Variants in JAKMIP1 observed in about 807,000 individuals in gnomAD.
JAKMIP1 encodes janus kinase and microtubule-interacting protein 1.
A neutral mutation model predicts 113.0 loss-of-function variants in JAKMIP1; 33 were observed. The ratio of observed to expected loss-of-function variants is 0.29; its 90% CI spans 0.22 to 0.39. JAKMIP1 has a LOEUF of 0.39. Among genes scored for constraint, JAKMIP1 ranks in the 10% least tolerant of loss-of-function variants. The pLI is 1.00. For synonymous variants in JAKMIP1, 480 were observed against 459.9 expected (o/e 1.04, Z -0.56); for missense variants, 813 against 1,080.5 (o/e 0.75, Z 3.47).
chr4:6,042,614 C>G lies in JAKMIP1; in HGVS notation c.2029-387G>C, dbSNP rs1714474399. Among the ~76,000 whole-genome samples, 2 of 151,974 alleles carry G rather than the reference C, an allele frequency of 1.3e-5. No individual in the cohort carries two copies. Among genetic ancestry groups the G allele is most frequent in the East Asian group, 2.0e-4 (1 of 5,126 alleles). On this transcript the variant is annotated intron_variant, in intron 16 of 20. Transcript: ENST00000409021. This position sits in a 1 kb window ranked among gnomAD's most constrained non-coding sequence, Gnocchi z 5.2. ...TCATCTGACTCTCTTACGACCACCCCAAGCAGTAGGCAGCGTCACCCCTAT... is the reference window on the plus strand; with the variant it reads ...TCATCTGACTCTCTTACGACCACCCGAAGCAGTAGGCAGCGTCACCCCTAT...
rs868277804 is a variant in JAKMIP1, at chr4:6,168,738, C to A, written c.-148+31515G>T. The stretch of plus-strand genomic sequence containing the variant: ...AATCCATGTCTCTACAAAAAAAAAA[C>A]AAAACACAAAAATTAGCCAGGCCTG... On this transcript the variant is annotated intron_variant, in intron 1 of 20. Transcript: ENST00000409021. This position sits in a 1 kb window ranked among gnomAD's most constrained non-coding sequence, Gnocchi z 4.6. Among the ~76,000 whole-genome samples, 2 of 150,008 alleles carry A rather than the reference C, an allele frequency of 1.3e-5. No homozygotes were observed. The highest frequency in any genetic ancestry group is 6.6e-5 in the Admixed American group (1 of 15,090).
chr4:6,031,280 A>G lies in JAKMIP1; in HGVS notation c.2380-1499T>C, dbSNP rs1712614190. Among the ~76,000 whole-genome samples the G allele has an allele frequency of 1.3e-5, 2 of 152,066 alleles. No individual in the cohort carries two copies. Among genetic ancestry groups the G allele is most frequent in the African/African-American group, 4.8e-5 (2 of 41,388 alleles). On this transcript the variant is annotated intron_variant, in intron 19 of 20. Coordinates refer to ENST00000409021, the MANE Select transcript of JAKMIP1 (RefSeq NM_001099433.2). The surrounding 1 kb of genome is among the most constrained non-coding windows in gnomAD (Gnocchi z 4.4). The stretch of plus-strand genomic sequence containing the variant: ...AAATGTCTCTACTAAAAATACAAAA[A>G]TGAGCCGGGCTTGGTGGTGCGCTCC...
At chr4:6,027,577 G>C (rs942365626) in intron 20 of JAKMIP1, among the ~76,000 whole-genome samples, 7 of 152,188 alleles carry the variant, frequency 4.6e-5, no homozygotes, top group African/African-American at 7.2e-5. Context: ...GTGGCATGAG[G>C]CATCTTGGAA....
chr4:6,040,769 A>G lies in JAKMIP1; in HGVS notation c.2098-53T>C, dbSNP rs945129581. The stretch of plus-strand genomic sequence containing the variant: ...ACCAGCGTCAGAACAGGAATCCATG[A>G]CAGCTTCAGAGCCCGTTTGCTAGAG... On this transcript the variant is annotated intron_variant, in intron 17 of 20. Coordinates refer to ENST00000409021, the MANE Select transcript of JAKMIP1 (RefSeq NM_001099433.2). The surrounding 1 kb of genome is among the most constrained non-coding windows in gnomAD (Gnocchi z 5.8). 6.3e-6 allele frequency: 9 copies of G among 1,420,838 alleles called. No homozygotes were observed. The African/African-American group carries it at 1.1e-4, about 18-fold the overall frequency. 88.0% of individuals were successfully genotyped at this position (1,420,838 alleles called of 1,614,324 possible).
chr4:6,029,648 A>C (rs895963539), intron 20 of JAKMIP1, 68 bp downstream of exon 20: 1 of 1,043,744 alleles, frequency 9.6e-7, no homozygotes, highest in Non-Finnish European at 1.5e-6. Context: ...ACCTTATGAA[A>C]TAAAATGATT....
rs1367188434 is a variant in JAKMIP1 at position 6,143,286 on chromosome 4, C to T, written c.-147-30289G>A. On this transcript the variant is annotated intron_variant, in intron 1 of 20. Transcript: ENST00000409021. This position sits in a 1 kb window ranked among gnomAD's most constrained non-coding sequence, Gnocchi z 4.9. ...GGATACATTCTAAAAGCTTTATGAA[C>T]AGACTTGGGGGCTTCCTGACTTCCT... Among the ~76,000 whole-genome samples the T allele has an allele frequency of 6.6e-6, 1 of 152,204 alleles. No individual in the cohort carries two copies. Among genetic ancestry groups the T allele is most frequent in the Non-Finnish European group, 1.5e-5 (1 of 68,036 alleles).
Position 6,042,013 on chromosome 4 carries a change from A to G in JAKMIP1, c.2097+146T>C, listed in dbSNP as rs1714380843. On this transcript the variant is annotated intron_variant, in intron 17 of 20. Coordinates refer to ENST00000409021, the MANE Select transcript of JAKMIP1 (RefSeq NM_001099433.2). This position sits in a 1 kb window ranked among gnomAD's most constrained non-coding sequence, Gnocchi z 5.2. ...TGAAAGAGTAAGTAAATGGGTGACA[A>G]TTACTTAGAACAACCACTGGGGCAA... is the stretch of plus-strand genomic sequence containing the variant. 2 of 643,730 alleles carry G rather than the reference A, an allele frequency of 3.1e-6. No homozygotes were observed. Among genetic ancestry groups the G allele is most frequent in the East Asian group, 2.7e-5 (1 of 37,066 alleles). The allele number at this position is 643,730 out of a possible 1,614,324, so 39.9% of individuals were successfully genotyped here.
At chr4:6,077,152 T>C (rs1316921014) in intron 8 of JAKMIP1, among the ~76,000 whole-genome samples, 1 of 152,204 alleles carries the variant, frequency 6.6e-6, no homozygotes, top group African/African-American at 2.4e-5. Context: ...TACCTCAGAA[T>C]GTGACTTATT....
rs1256082454 is a variant in JAKMIP1, at chr4:6,088,221, T to TAATA, written c.625-2596_625-2593dup. ...TAGTGGGCGGAGCAGGCAATAAACA[T>TAATA]AATAAATAAGCAGACATTGTAGTGA... On this transcript the variant is annotated intron_variant, in intron 3 of 20. Transcript: ENST00000409021. This position sits in a 1 kb window ranked among gnomAD's most constrained non-coding sequence, Gnocchi z 5.5. 2.6e-5 allele frequency among the ~76,000 whole-genome samples: 4 copies of TAATA among 152,148 alleles called. No homozygotes were observed. The East Asian group carries it at 7.7e-4, about 29-fold the overall frequency.
chr4:6,151,812 C>G (rs1721602373), intron 1 of JAKMIP1, among the ~76,000 whole-genome samples: 1 of 152,114 alleles, frequency 6.6e-6, no homozygotes, highest in Non-Finnish European at 1.5e-5. Flanking sequence ...TGTTTCTTTA[C>G]CTGTAAAATG....
intron 16 of JAKMIP1, among the ~76,000 whole-genome samples, chr4:6,043,756 C>G (rs547322710): frequency 6.6e-6 from 1 of 151,386 alleles, no homozygotes; most frequent in South Asian, 2.1e-4. Context: ...TCCTTTCTGC[C>G]CCCCCAGCCA....
chr4:6,114,232 A>G (rs747742276), intron 1 of JAKMIP1, among the ~76,000 whole-genome samples: 9 of 152,202 alleles, frequency 5.9e-5, no homozygotes, highest in Non-Finnish European at 8.8e-5. Context: ...GATGAGACAA[A>G]ATTGGCAAGG....
At position 6,183,563 on chromosome 4, in the gene JAKMIP1, T is replaced by C. The variant is rs1362229208; in HGVS notation, c.-148+16690A>G. On this transcript the variant is annotated intron_variant, in intron 1 of 20. Coordinates refer to ENST00000409021, the MANE Select transcript of JAKMIP1 (RefSeq NM_001099433.2). The surrounding 1 kb of genome is among the most constrained non-coding windows in gnomAD (Gnocchi z 5.3). ...ACTTCAGTACTCAGGGTGCTGGGAC[T>C]TGGTTTTCAAACCACCTTCCATGGA... is the stretch of plus-strand genomic sequence containing the variant. Among the ~76,000 whole-genome samples the C allele has an allele frequency of 1.3e-5, 2 of 152,010 alleles. No homozygotes were observed. The highest frequency in any genetic ancestry group is 3.9e-4 in the East Asian group (2 of 5,188).
Position 6,158,564 on chromosome 4 carries a change from C to A in JAKMIP1, c.-148+41689G>T, listed in dbSNP as rs1354875752. 1.3e-5 allele frequency among the ~76,000 whole-genome samples: 2 copies of A among 152,136 alleles called. No individual in the cohort carries two copies. Among genetic ancestry groups the A allele is most frequent in the African/African-American group, 2.4e-5 (1 of 41,432 alleles). ...CACTGGAAAGAAAGGATGAGGTATT[C>A]CAGAGGGCCTGCGGGAGTGGTCAAC... On this transcript the variant is annotated intron_variant, in intron 1 of 20. Coordinates refer to ENST00000409021, the MANE Select transcript of JAKMIP1 (RefSeq NM_001099433.2). This position sits in a 1 kb window ranked among gnomAD's most constrained non-coding sequence, Gnocchi z 5.3.
chr4:6,119,785 C>G (rs149754824), intron 1 of JAKMIP1, among the ~76,000 whole-genome samples: 1 of 152,322 alleles, frequency 6.6e-6, no homozygotes, highest in Non-Finnish European at 1.5e-5. Context: ...CAGAAGGGAC[C>G]TTTGCCTCCA....
Position 6,080,443 on chromosome 4 carries a change from A to G in JAKMIP1, c.1102-131T>C, listed in dbSNP as rs1720341526. 1.7e-6 allele frequency: 2 copies of G among 1,144,308 alleles called. No individual in the cohort carries two copies. The highest frequency in any genetic ancestry group is 2.6e-5 in the Admixed American group (1 of 38,816). The allele number at this position is 1,144,308 out of a possible 1,614,324, so 70.9% of individuals were successfully genotyped here. On this transcript the variant is annotated intron_variant, in intron 6 of 20. Transcript: ENST00000409021. The surrounding 1 kb of genome is among the most constrained non-coding windows in gnomAD (Gnocchi z 6.0). ...GGAGGATGAAAGAGATGATGGCCTG[A>G]TATGGTTTGGCTGTGTCCCCACCCA... is the stretch of plus-strand genomic sequence containing the variant.
rs1283254898 is a variant in JAKMIP1 at position 6,042,315 on chromosome 4, T to C, written c.2029-88A>G. 3.8e-6 allele frequency: 4 copies of C among 1,040,108 alleles called. No homozygotes were observed. Among genetic ancestry groups the C allele is most frequent in the East Asian group, 2.4e-5 (1 of 42,122 alleles). The allele number at this position is 1,040,108 out of a possible 1,614,324, so 64.4% of individuals were successfully genotyped here. ...GAATTTCACAGGTGTGTGAATTTCA[T>C]AGATCGGCTTCCTCAGAGTGTGCTC... On this transcript the variant is annotated intron_variant, in intron 16 of 20. Transcript: ENST00000409021. This position sits in a 1 kb window ranked among gnomAD's most constrained non-coding sequence, Gnocchi z 5.2.
chr4:6,060,514 G>C lies in JAKMIP1; in HGVS notation c.1561-7C>G, dbSNP rs1211805933. Reference sequence around the variant, plus strand: ...CTTGTAGCTGCTCCCGAGTCTGGAAGGGAAAAGACCAGGCAGTGAGCAGGT... The same window carrying C: ...CTTGTAGCTGCTCCCGAGTCTGGAACGGAAAAGACCAGGCAGTGAGCAGGT... On this transcript the variant is annotated splice_region_variant and splice_polypyrimidine_tract_variant and intron_variant, in intron 10 of 20. Transcript: ENST00000409021. 1 of 1,612,494 alleles carries C rather than the reference G, an allele frequency of 6.2e-7. No homozygotes were observed. The highest frequency in any genetic ancestry group is 1.7e-5 in the Admixed American group (1 of 60,002).
At position 6,150,214 on chromosome 4, in the gene JAKMIP1, A is replaced by T. The variant is rs911316086; in HGVS notation, c.-147-37217T>A. The T allele has an allele frequency of 6.6e-6, 1 of 152,304 alleles. No individual in the cohort carries two copies. The highest frequency in any genetic ancestry group is 2.4e-5 in the African/African-American group (1 of 41,438). The allele number at this position is 152,304 out of a possible 1,614,324, so 9.4% of individuals were successfully genotyped here. The stretch of plus-strand genomic sequence containing the variant: ...GAGAGAGAGAAGAAAGTGCTGGCAC[A>T]GGCCCCATGCTTTGGGCTTATGTAT... On this transcript the variant is annotated intron_variant, in intron 1 of 20. Coordinates refer to ENST00000409021, the MANE Select transcript of JAKMIP1 (RefSeq NM_001099433.2). The surrounding 1 kb of genome is among the most constrained non-coding windows in gnomAD (Gnocchi z 4.8).
Sources: allele counts gnomAD v4.1 joint callset (sites outside exome capture counted in the v4.1 genomes callset), GRCh38; gene constraint gnomAD v4.1.1; non-coding constraint Gnocchi (gnomAD v3.1); transcripts MANE v1.5; gene names NCBI Gene and HGNC (gene_info 2026-07-23, HGNC 2026-07-21).